ITPRID1: variants seen among roughly 807,000 people sequenced by gnomAD.
ITPRID1 encodes the protein protein ITPRID1.
Under a neutral mutation model 95.4 loss-of-function variants are expected in ITPRID1, and 96 were observed. That is an observed-to-expected ratio of 1.01 (90% CI 0.85 to 1.19). ITPRID1 has a LOEUF of 1.19. Ranked by LOEUF, ITPRID1 falls within the 50% of genes most tolerant of loss-of-function variation. The pLI, the probability that ITPRID1 is intolerant of heterozygous loss-of-function variation, is 0.00. For synonymous variants in ITPRID1, 510 were observed against 453.6 expected, an observed-to-expected ratio of 1.12 and a Z score of -1.58; for missense variants, 1,339 against 1,252.9, an observed-to-expected ratio of 1.07 and a Z score of -1.04.
downstream of ITPRID1, among the ~76,000 whole-genome samples, chr7:31,658,002 C>G (rs1791375845): frequency 6.6e-6 from 1 of 152,104 alleles, no homozygotes; most frequent in Non-Finnish European, 1.5e-5. Context: ...TTATTCAAAG[C>G]CAAAAGCTTT....
At chr7:31,644,913 C>G (rs969117676) in intron 12 of ITPRID1, among the ~76,000 whole-genome samples, 2 of 152,212 alleles carry the variant, frequency 1.3e-5, no homozygotes, top group Admixed American at 1.3e-4. Context: ...TACTGAGTTA[C>G]CTTCCCATTC....
intron 10 of ITPRID1, among the ~76,000 whole-genome samples, chr7:31,635,922 C>T (rs1352292986): frequency 6.6e-6 from 1 of 152,040 alleles, no homozygotes; most frequent in Non-Finnish European, 1.5e-5. Context: ...CACACATACC[C>T]TGGAACTTAA....
intron 10 of ITPRID1, among the ~76,000 whole-genome samples, chr7:31,591,373 A>G (rs1785857895): frequency 6.6e-6 from 1 of 152,356 alleles, no homozygotes; most frequent in South Asian, 2.1e-4. Context: ...TGAGACACAC[A>G]TATGCAGCCA....
intron 5 of ITPRID1, among the ~76,000 whole-genome samples, chr7:31,565,869 C>T (rs1258292788): frequency 6.6e-6 from 1 of 152,202 alleles, no homozygotes; most frequent in Non-Finnish European, 1.5e-5. Flanking sequence ...CTGGGCCCCA[C>T]AGGATGCTAG....
chr7:31,554,271 C>T (rs1784376703), intron 3 of ITPRID1: 3 of 830,266 alleles, frequency 3.6e-6, no homozygotes. Context: ...AGTCTTTTGA[C>T]AAGTTTACAC....
intron 8 of ITPRID1, among the ~76,000 whole-genome samples, chr7:31,576,240 T>C (rs886757771): frequency 7.2e-5 from 11 of 152,208 alleles, no homozygotes; most frequent in African/African-American, 2.7e-4. Context: ...ATAAAGCTAG[T>C]TGGCAGATAG....
chr7:31,549,444 C>A lies in ITPRID1; in HGVS notation c.-79C>A. 6 of 1,506,626 alleles carry A rather than the reference C, an allele frequency of 4.0e-6. No homozygotes were observed. Among genetic ancestry groups the A allele is most frequent in the South Asian group, 2.6e-5 (2 of 76,872 alleles). The allele number at this position is 1,506,626 out of a possible 1,614,324, so 93.3% of individuals were successfully genotyped here. ...TTGACAGTTCCTGACAGGATAAGGA[C>A]AAGAAGCAACACACAGAAGAGAAGG... is the stretch of plus-strand genomic sequence containing the variant. On this transcript the variant is annotated 5_prime_UTR_variant, in exon 2 of 15. Coordinates refer to ENST00000615280, the MANE Select transcript of ITPRID1 (RefSeq NM_001257967.3).
chr7:31,608,287 G>C (rs945081071), intron 10 of ITPRID1, among the ~76,000 whole-genome samples: 1 of 151,812 alleles, frequency 6.6e-6, no homozygotes, highest in Non-Finnish European at 1.5e-5. Context: ...TTTTAAATAA[G>C]GAAATACATC....
chr7:31,625,421 A>G (rs1788358990), intron 10 of ITPRID1, among the ~76,000 whole-genome samples: 1 of 152,130 alleles, frequency 6.6e-6, no homozygotes, highest in Non-Finnish European at 1.5e-5. Context: ...GCACATATAC[A>G]CCATGGAATA....
intron 5 of ITPRID1, among the ~76,000 whole-genome samples, chr7:31,557,197 T>A (rs1784476552): frequency 6.6e-6 from 1 of 152,068 alleles, no homozygotes; most frequent in African/African-American, 2.4e-5. Flanking sequence ...CAGGTGGACA[T>A]GAAATTCCAG....
intron 10 of ITPRID1, among the ~76,000 whole-genome samples, chr7:31,619,545 CTCAT>C (rs10543664): frequency 0.94 from 141,980 of 151,830 alleles, 66,684 homozygotes; most frequent in East Asian, 0.99. Context: ...CAAAATTTAC[CTCAT>C]TCATCTATGC....
At chr7:31,519,777 TAC>T (rs1187004844) in intron 1 of ITPRID1, among the ~76,000 whole-genome samples, 1 of 151,286 alleles carries the variant, frequency 6.6e-6, no homozygotes, top group Admixed American at 6.6e-5. Flanking sequence ...ACAAAATAAA[TAC>T]ATTTTAATTT....
chr7:31,627,891 G>A (rs1390659829), intron 10 of ITPRID1, among the ~76,000 whole-genome samples: 1 of 152,152 alleles, frequency 6.6e-6, no homozygotes, highest in Non-Finnish European at 1.5e-5. Flanking sequence ...ATTGTACTAT[G>A]AGTATCATTC....
chr7:31,524,711 T>C (rs1173415796), intron 1 of ITPRID1, among the ~76,000 whole-genome samples: 1 of 152,226 alleles, frequency 6.6e-6, no homozygotes, highest in African/African-American at 2.4e-5. Flanking sequence ...AGCTTTTTTA[T>C]ATGTTTTGAA....
At chr7:31,597,519 C>A (rs767658066) in intron 10 of ITPRID1, among the ~76,000 whole-genome samples, 12 of 150,522 alleles carry the variant, frequency 8.0e-5, no homozygotes, top group Non-Finnish European at 1.8e-4. Flanking sequence ...ACAACAGATT[C>A]TTTTCACAAC....
chr7:31,635,095 G>GT (rs1789357468), intron 10 of ITPRID1, among the ~76,000 whole-genome samples: 1 of 152,158 alleles, frequency 6.6e-6, no homozygotes, highest in African/African-American at 2.4e-5. Flanking sequence ...AGGTGTGAGG[G>GT]TGTGGGAGTG....
chr7:31,587,028 T>C (rs947089801), intron 10 of ITPRID1, among the ~76,000 whole-genome samples: 1 of 152,134 alleles, frequency 6.6e-6, no homozygotes, highest in African/African-American at 2.4e-5. Flanking sequence ...TAAGGTGTAA[T>C]ATCATACTGA....
intron 10 of ITPRID1, among the ~76,000 whole-genome samples, chr7:31,599,597 C>CTTTCTTTCTTT (rs1786261730): frequency 2.8e-5 from 2 of 72,460 alleles, no homozygotes; most frequent in East Asian, 3.9e-4. Flanking sequence ...TTCTTTCTTT[C>CTTTCTTTCTTT]TTTCTTTCTT....
intron 10 of ITPRID1, among the ~76,000 whole-genome samples, chr7:31,620,399 CTCTG>C (rs1787742375): frequency 6.6e-6 from 1 of 151,870 alleles, no homozygotes; most frequent in Non-Finnish European, 1.5e-5. Context: ...CCGGGTACTC[CTCTG>C]AGACAAAACT....
Sources: allele counts gnomAD v4.1 joint callset (sites outside exome capture counted in the v4.1 genomes callset), GRCh38; gene constraint gnomAD v4.1.1; transcripts MANE v1.5; gene names NCBI Gene and HGNC (gene_info 2026-07-23, HGNC 2026-07-21).